KLHL3: variants seen among roughly 807,000 people sequenced by gnomAD.
KLHL3 encodes kelch like family member 3.
Under a neutral mutation model 70.5 loss-of-function variants are expected in KLHL3, and 19 were observed. That is an observed-to-expected ratio of 0.27 (90% confidence interval 0.19 to 0.40). The LOEUF is 0.40. KLHL3 is among the 10% of genes least tolerant of loss of function. KLHL3 has a pLI of 1.00. For synonymous variants in KLHL3, 258 were observed against 290.3 expected, an observed-to-expected ratio of 0.89 and a Z score of 1.13; for missense variants, 512 against 771.1, an observed-to-expected ratio of 0.66 and a Z score of 3.98.
chr5:137,686,533 A>T (rs1752167001), intron 5 of KLHL3, among the ~76,000 whole-genome samples: 2 of 152,238 alleles, frequency 1.3e-5, no homozygotes, highest in South Asian at 2.1e-4. Flanking sequence ...TGTTGGCATG[A>T]AATACCTTCT....
chr5:137,652,773 G>A (rs1236304427), intron 8 of KLHL3, among the ~76,000 whole-genome samples: 1 of 152,068 alleles, frequency 6.6e-6, no homozygotes, highest in African/African-American at 2.4e-5. Context: ...TAATAACAAT[G>A]TATTATATTC....
intron 3 of KLHL3, among the ~76,000 whole-genome samples, chr5:137,708,261 G>A (rs1247882831): frequency 6.6e-6 from 1 of 152,184 alleles, no homozygotes; most frequent in Non-Finnish European, 1.5e-5. Flanking sequence ...GGACACACAT[G>A]TGACAAACTC....
chr5:137,687,203 AG>A (rs1752201736), intron 5 of KLHL3, among the ~76,000 whole-genome samples: 1 of 38,528 alleles, frequency 2.6e-5, no homozygotes, highest in Non-Finnish European at 5.0e-5. Flanking sequence ...CTGGGAAGTG[AG>A]GAGCCCCTCT....
At chr5:137,690,058 T>C (rs1407941668) in intron 5 of KLHL3, among the ~76,000 whole-genome samples, 1 of 152,250 alleles carries the variant, frequency 6.6e-6, no homozygotes, top group African/African-American at 2.4e-5. Flanking sequence ...CCAGGCACAG[T>C]GGCTTACGCC....
At chr5:137,648,610 G>A (rs894590464) in intron 8 of KLHL3, among the ~76,000 whole-genome samples, 3 of 152,244 alleles carry the variant, frequency 2.0e-5, no homozygotes, top group Admixed American at 2.0e-4. Flanking sequence ...TGGGAGCCAA[G>A]ATGATGCTGT....
chr5:137,707,500 T>C (rs543720937), intron 3 of KLHL3: 4 of 153,080 alleles, frequency 2.6e-5, no homozygotes, highest in African/African-American at 9.6e-5. Flanking sequence ...TTTGTATATG[T>C]ATACATTTAT....
At chr5:137,630,380 GC>G (rs1306104504) in intron 12 of KLHL3, among the ~76,000 whole-genome samples, 30 of 152,116 alleles carry the variant, frequency 2.0e-4, no homozygotes, top group Non-Finnish European at 5.9e-5. Context: ...CAGCAGCGTG[GC>G]AGAGACAAAG....
intron 6 of KLHL3, among the ~76,000 whole-genome samples, chr5:137,670,881 G>A (rs1323314140): frequency 6.6e-6 from 1 of 151,232 alleles, no homozygotes; most frequent in Admixed American, 6.6e-5. Flanking sequence ...GCTGAGGCAG[G>A]AGAAACGCTT....
At chr5:137,703,038 A>G (rs564115472) in intron 3 of KLHL3, among the ~76,000 whole-genome samples, 1 of 152,340 alleles carries the variant, frequency 6.6e-6, no homozygotes, top group African/African-American at 2.4e-5. Context: ...CAGAAAAATC[A>G]CTAGCTCATC....
At chr5:137,717,128 T>C (rs1289370974) in intron 2 of KLHL3, among the ~76,000 whole-genome samples, 1 of 152,236 alleles carries the variant, frequency 6.6e-6, no homozygotes, top group East Asian at 1.9e-4. Flanking sequence ...CAGGTCCATC[T>C]TGTCCCTTGG....
At chr5:137,661,800 CACAT>C (rs1362470912) in intron 7 of KLHL3, 111 bp downstream of exon 7, 1 of 668,504 alleles carries the variant, frequency 1.5e-6, no homozygotes, top group African/African-American at 1.8e-5. Context: ...GTTCCCTCAG[CACAT>C]ACAGAAGACC....
intron 8 of KLHL3, among the ~76,000 whole-genome samples, chr5:137,640,733 A>AC (rs145625221): frequency 0.44 from 66,374 of 151,188 alleles, 14,760 homozygotes; most frequent in East Asian, 0.53. Context: ...GAGGCCAGCC[A>AC]CCCCCCCCAA....
chr5:137,685,560 G>A (rs914425822), intron 5 of KLHL3, among the ~76,000 whole-genome samples: 1 of 152,204 alleles, frequency 6.6e-6, no homozygotes, highest in Non-Finnish European at 1.5e-5. Context: ...TCTATGTACT[G>A]CTTGCATTTT....
chr5:137,686,021 A>C (rs1178318962), intron 5 of KLHL3, among the ~76,000 whole-genome samples: 1 of 152,244 alleles, frequency 6.6e-6, no homozygotes, highest in Non-Finnish European at 1.5e-5. Flanking sequence ...ATAACAACAG[A>C]AAAAGAAAGC....
Position 137,625,877 on chromosome 5 carries a change from C to G in KLHL3, c.1611G>C (p.Gly537=). Residue 537 remains glycine (G), a synonymous_variant, in exon 14 of 15, where the codon GGG becomes GGC. Coordinates refer to ENST00000309755, the MANE Select transcript of KLHL3 (RefSeq NM_017415.3). The part of the protein sequence containing the change: ...RRNAGVCAVN[G]LLYVVGGDDG... Reference sequence around the variant, plus strand: ...CATCCCCTCCAACCACATACAGGAGCCCATTTACTGCACAGACCCCTGTGA... The same window carrying G: ...CATCCCCTCCAACCACATACAGGAGGCCATTTACTGCACAGACCCCTGTGA... 1 of 1,614,184 alleles carries G rather than the reference C, an allele frequency of 6.2e-7. No individual in the cohort carries two copies. Among genetic ancestry groups the G allele is most frequent in the Non-Finnish European group, 8.5e-7 (1 of 1,180,028 alleles).
At chr5:137,666,333 C>T (rs1339272853) in intron 6 of KLHL3, among the ~76,000 whole-genome samples, 1 of 152,166 alleles carries the variant, frequency 6.6e-6, no homozygotes, top group Non-Finnish European at 1.5e-5. Flanking sequence ...CAACCCCATT[C>T]TGCCTTGTAT....
chr5:137,701,781 G>A (rs1752573452), intron 3 of KLHL3, among the ~76,000 whole-genome samples: 1 of 152,108 alleles, frequency 6.6e-6, no homozygotes, highest in African/African-American at 2.4e-5. Flanking sequence ...CCAGAAAACA[G>A]AAGATGAGCC....
At chr5:137,626,654 A>C (rs1750469272) in intron 13 of KLHL3, among the ~76,000 whole-genome samples, 2 of 152,226 alleles carry the variant, frequency 1.3e-5, no homozygotes, top group South Asian at 2.1e-4. Flanking sequence ...GTGAGACGAA[A>C]AAATGGACAC....
chr5:137,698,208 A>G, intron 4 of KLHL3, 79 bp downstream of exon 4: 1 of 1,549,932 alleles, frequency 6.5e-7, no homozygotes, highest in South Asian at 1.2e-5. Flanking sequence ...AATTGTTGTG[A>G]GGGTTAAATA....
Sources: allele counts gnomAD v4.1 joint callset (sites outside exome capture counted in the v4.1 genomes callset), GRCh38; gene constraint gnomAD v4.1.1; transcripts MANE v1.5; gene names NCBI Gene and HGNC (gene_info 2026-07-23, HGNC 2026-07-21).